The following SMYD4 variants were observed in gnomAD, a reference collection of about 807,000 sequenced individuals.
The protein encoded by SMYD4 is protein-lysine N-methyltransferase SMYD4.
Under a neutral mutation model 72.8 loss-of-function variants are expected in SMYD4, and 68 were observed. The ratio of observed to expected loss-of-function variants is 0.93; its 90% CI spans 0.77 to 1.14. SMYD4 has a LOEUF of 1.14. Among genes scored for constraint, SMYD4 ranks in the 50% most tolerant of loss-of-function variants. The pLI is 0.00. For missense variants in SMYD4, 984 were observed against 1,003.7 expected (o/e 0.98, Z 0.27); for synonymous variants, 407 against 388.6 (o/e 1.05, Z -0.56).
intron 1 of SMYD4, 86 bp from the exon 2 acceptor site, chr17:1,828,092 T>A: frequency 7.2e-7 from 1 of 1,381,986 alleles, no homozygotes; most frequent in Non-Finnish European, 1.0e-6. Flanking sequence ...GGCTCACACC[T>A]GTAATCCCAG....
rs752361206 is a variant in SMYD4 at position 1,799,887 on chromosome 17, C to T, written c.1507G>A (p.Ala503Thr). The change falls in exon 5 of 11, where the codon GCT becomes ACT. Residue 503 changes from alanine (A) to threonine (T), a missense_variant. Coordinates refer to ENST00000305513, the MANE Select transcript of SMYD4 (RefSeq NM_052928.3). The stretch of plus-strand genomic sequence containing the variant: ...TGTTGTATGGTGGTCATCGCCTGAG[C>T]GTTACACTGAAGCTGTAACATGTGT... ...LRHMLQLQCN[A>T]QAMTTIQHTG... 7 of 1,610,472 alleles carry T rather than the reference C, an allele frequency of 4.3e-6. No homozygotes were observed. The highest frequency in any genetic ancestry group is 4.5e-5 in the East Asian group (2 of 44,830).
intron 3 of SMYD4, among the ~76,000 whole-genome samples, chr17:1,810,234 G>T (rs923505974): frequency 1.3e-5 from 2 of 152,154 alleles, no homozygotes; most frequent in Admixed American, 1.3e-4. Context: ...CAGGGTATCG[G>T]AAGGAATATG....
intron 4 of SMYD4, among the ~76,000 whole-genome samples, chr17:1,801,250 T>C (rs9905264): frequency 1.1e-5 from 1 of 93,130 alleles, no homozygotes; most frequent in African/African-American, 4.1e-5. Flanking sequence ...ATTTTTTCTT[T>C]TTTTTTGAGA....
At chr17:1,785,787 AAACT>A (rs1163379342) in intron 7 of SMYD4, among the ~76,000 whole-genome samples, 1 of 151,584 alleles carries the variant, frequency 6.6e-6, no homozygotes, top group Non-Finnish European at 1.5e-5. Flanking sequence ...AAAAAAAAAA[AAACT>A]AATAGAAAAA....
chr17:1,786,952 C>A lies in SMYD4; in HGVS notation c.1742G>T (p.Gly581Val), dbSNP rs563276764. 3.1e-6 allele frequency: 5 copies of A among 1,613,850 alleles called. No homozygotes were observed. The highest frequency in any genetic ancestry group is 4.2e-6 in the Non-Finnish European group (5 of 1,180,046). Reference protein sequence around the residue: ...HCYGPHKSRMGVAERQQKLRS... With the variant: ...HCYGPHKSRMVVAERQQKLRS... ...CAGCTTCTGCTGCCTTTCGGCAACC[C>A]CCATCCGGCTCTTGTGAGGCCCTGG... Residue 581 changes from glycine (G) to valine (V), a missense_variant, in exon 7 of 11, where the codon GGG becomes GTG. Gly to Val is a moderately radical substitution (Grantham distance 109). Transcript: ENST00000305513.
intron 5 of SMYD4, among the ~76,000 whole-genome samples, chr17:1,793,659 AG>A (rs1396203365): frequency 6.6e-6 from 1 of 152,064 alleles, no homozygotes; most frequent in African/African-American, 2.4e-5. Context: ...CAAGAGAAGC[AG>A]CAATGTCAAG....
chr17:1,824,059 T>C (rs1453783834), intron 2 of SMYD4, among the ~76,000 whole-genome samples: 2 of 152,172 alleles, frequency 1.3e-5, no homozygotes, highest in Non-Finnish European at 2.9e-5. Context: ...AATGACACTA[T>C]AGGCCAGGTG....
intron 3 of SMYD4, among the ~76,000 whole-genome samples, 183 bp downstream of exon 3, chr17:1,811,788 G>A (rs1436029280): frequency 9.2e-5 from 14 of 152,130 alleles, no homozygotes; most frequent in African/African-American, 2.7e-4. Flanking sequence ...TTAGCTGGGC[G>A]TGGTGCCACA....
intron 5 of SMYD4, among the ~76,000 whole-genome samples, chr17:1,796,089 G>GTATC (rs1291449567): frequency 6.6e-6 from 1 of 151,990 alleles, no homozygotes; most frequent in Non-Finnish European, 1.5e-5. Context: ...ATTACGATAT[G>GTATC]TATCTATTCT....
At chr17:1,825,650 G>A (rs754196512) in intron 2 of SMYD4, among the ~76,000 whole-genome samples, 23 of 151,672 alleles carry the variant, frequency 1.5e-4, no homozygotes, top group Non-Finnish European at 2.6e-4. Context: ...TAGCTGGGAC[G>A]ACAGGCACAT....
chr17:1,785,760 T>C (rs1277801048), intron 7 of SMYD4, among the ~76,000 whole-genome samples: 6 of 69,940 alleles, frequency 8.6e-5, no homozygotes, highest in Middle Eastern at 5.4e-3. Context: ...CAAGACCCCA[T>C]CTCAAAAAAA....
At chr17:1,799,232 C>A (rs936933687) in intron 5 of SMYD4, among the ~76,000 whole-genome samples, 5 of 150,402 alleles carry the variant, frequency 3.3e-5, no homozygotes, top group African/African-American at 1.2e-4. Flanking sequence ...GCACCCCAGC[C>A]TGGGGGTGAC....
At position 1,810,668 on chromosome 17, in the gene SMYD4, C is replaced by T. The variant is rs914828770; in HGVS notation, c.279+1303G>A. Among the ~76,000 whole-genome samples the T allele has an allele frequency of 3.9e-5, 6 of 152,366 alleles. No individual in the cohort carries two copies. In the South Asian group the frequency reaches 8.3e-4, roughly 21 times the overall value. On this transcript the variant is annotated intron_variant, in intron 3 of 10. Transcript: ENST00000305513. ...AGGTGAGGACAAGCACTCCCGCCTT[C>T]GCGCCCAAATGTTGCATTTTCCAAG...
intron 3 of SMYD4, among the ~76,000 whole-genome samples, chr17:1,810,000 GC>G (rs1831576770): frequency 6.6e-6 from 1 of 151,900 alleles, no homozygotes; most frequent in South Asian, 2.1e-4. Context: ...TTGCTATGTT[GC>G]CCAGGCTGGT....
intron 2 of SMYD4, among the ~76,000 whole-genome samples, chr17:1,819,703 A>T (rs1470223715): frequency 6.6e-6 from 1 of 152,170 alleles, no homozygotes; most frequent in East Asian, 1.9e-4. Context: ...TTAGCTGGCA[A>T]TCTTTGGTAA....
chr17:1,781,327 A>G lies in SMYD4; in HGVS notation c.2374T>C (p.Leu792=). The change falls in exon 11 of 11, where the codon TTG becomes CTG. Residue 792 remains leucine (L), a synonymous_variant. Transcript: ENST00000305513. ...IQELQKMKSC[L]LDLPPTPVGP... is the part of the protein sequence containing the mutation. ...ACAGGGGTGGGTGGTAAGTCCAACAAACAGGATTTCATCTTCTGGAGCTCC... is the reference window on the plus strand; with the variant it reads ...ACAGGGGTGGGTGGTAAGTCCAACAGACAGGATTTCATCTTCTGGAGCTCC... 1 of 1,613,920 alleles carries G rather than the reference A, an allele frequency of 6.2e-7. No homozygotes were observed. Among genetic ancestry groups the G allele is most frequent in the Non-Finnish European group, 8.5e-7 (1 of 1,180,040 alleles).
intron 10 of SMYD4, 195 bp from the exon 11 acceptor site, chr17:1,781,634 A>C: frequency 4.1e-6 from 2 of 484,048 alleles, no homozygotes; most frequent in Admixed American, 4.2e-5. Flanking sequence ...AAAAGATAGT[A>C]TAGACGCCAG....
intron 2 of SMYD4, among the ~76,000 whole-genome samples, chr17:1,820,133 T>A (rs1237689828): frequency 6.6e-6 from 1 of 152,154 alleles, no homozygotes; most frequent in East Asian, 1.9e-4. Flanking sequence ...AGTACCACCA[T>A]GGACTTAAAC....
rs200345837 is a variant in SMYD4, at chr17:1,784,956, A to AT, written c.1885-496dup. ...GGCTAAATTTTTGTGTGTGTTATTT[A>AT]TTTTTTTTTTTTAGTAGAGACGGGG... On this transcript the variant is annotated intron_variant, in intron 7 of 10. Coordinates refer to ENST00000305513, the MANE Select transcript of SMYD4 (RefSeq NM_052928.3). Among the ~76,000 whole-genome samples, 46 of 141,380 alleles carry AT rather than the reference A, an allele frequency of 3.3e-4. No individual in the cohort carries two copies. In the Middle Eastern group the frequency reaches 0.018, roughly 56 times the overall value. The allele number at this position is 141,380 out of a possible 152,430, so 92.8% of individuals were successfully genotyped here. A position where few individuals can be genotyped will look rare whatever the true frequency, so the allele number is the denominator to read the frequency against.
Sources: gnomAD v4.1 joint callset for allele counts (sites outside exome capture counted in the v4.1 genomes callset) on GRCh38, gnomAD v4.1.1 for gene constraint, MANE v1.5 for transcripts, NCBI Gene and HGNC (gene_info 2026-07-23, HGNC 2026-07-21) for gene names.